The following ATL1 variants were observed in gnomAD, a reference collection of about 807,000 sequenced individuals.
The protein encoded by ATL1 is atlastin GTPase 1.
A neutral mutation model predicts 75.5 loss-of-function variants in ATL1; 31 were observed. The ratio of observed to expected loss-of-function variants is 0.41; its 90% CI spans 0.31 to 0.55. The LOEUF (loss-of-function observed/expected upper bound fraction) is 0.55. ATL1 is among the 20% of genes least tolerant of loss of function. ATL1 has a pLI of 0.27. For synonymous variants in ATL1, 226 were observed against 233.3 expected, an observed-to-expected ratio of 0.97 and a Z score of 0.28; for missense variants, 405 against 662.6, an observed-to-expected ratio of 0.61 and a Z score of 4.27.
rs767905077 is a variant in ATL1 at position 50,620,704 on chromosome 14, G to A, written c.968G>A (p.Arg323Gln). The change falls in exon 9 of 14, where the codon CGG becomes CAG. Residue 323 changes from arginine to glutamine, a missense_variant. Coordinates refer to ENST00000358385, the MANE Select transcript of ATL1 (RefSeq NM_015915.5). ...KEINGNKITC[R>Q]GLVEYFKAYI... The stretch of plus-strand genomic sequence containing the variant: ...ATCAATGGGAATAAAATCACCTGCC[G>A]GGGTCTGGTGGAGTACTTCAAGGTA... 14 of 1,613,404 alleles carry A rather than the reference G, an allele frequency of 8.7e-6. No homozygotes were observed. Among genetic ancestry groups the A allele is most frequent in the African/African-American group, 1.3e-5 (1 of 74,872 alleles).
intron 1 of ATL1, among the ~76,000 whole-genome samples, chr14:50,535,627 A>G (rs1289048372): frequency 6.6e-6 from 1 of 152,198 alleles, no homozygotes; most frequent in Non-Finnish European, 1.5e-5. Context: ...GGCATAAACC[A>G]TGTTTTCCAA....
At chr14:50,545,434 A>T (rs1159887634) in intron 1 of ATL1, among the ~76,000 whole-genome samples, 30 of 152,218 alleles carry the variant, frequency 2.0e-4, no homozygotes, top group Admixed American at 2.0e-3. Context: ...CTGCAGTGGG[A>T]ATCCCAGGGT....
chr14:50,568,104 A>G (rs116098415), intron 1 of ATL1, among the ~76,000 whole-genome samples: 1,767 of 152,246 alleles, frequency 0.012, 31 homozygotes, highest in African/African-American at 0.041. Flanking sequence ...GAAGTCTCCA[A>G]CTGTTAGTAT....
intron 6 of ATL1, among the ~76,000 whole-genome samples, chr14:50,597,624 A>G (rs1322458321): frequency 1.3e-5 from 2 of 152,188 alleles, no homozygotes; most frequent in Non-Finnish European, 2.9e-5. Flanking sequence ...ATATATATAT[A>G]TGTTACATGC....
At chr14:50,563,642 T>G (rs563123533) in intron 1 of ATL1, among the ~76,000 whole-genome samples, 1 of 152,294 alleles carries the variant, frequency 6.6e-6, no homozygotes, top group East Asian at 1.9e-4. Flanking sequence ...TGTTTTTATC[T>G]TAGTAGCTAG....
At chr14:50,597,224 A>AAAAAAAAACAAAC (rs1566726111) in intron 6 of ATL1, among the ~76,000 whole-genome samples, 22 of 150,028 alleles carry the variant, frequency 1.5e-4, no homozygotes, top group African/African-American at 4.2e-4. Flanking sequence ...AACAAACAAA[A>AAAAAAAAACAAAC]AAAAAAAAAG....
At chr14:50,600,270 AAG>A (rs1208632856) in intron 6 of ATL1, among the ~76,000 whole-genome samples, 2 of 151,910 alleles carry the variant, frequency 1.3e-5, no homozygotes, top group Admixed American at 6.5e-5. Context: ...AAAAAAAAAA[AAG>A]AGTTGAAAAC....
chr14:50,561,451 T>A (rs991541621), intron 1 of ATL1, among the ~76,000 whole-genome samples: 1 of 152,246 alleles, frequency 6.6e-6, no homozygotes, highest in Non-Finnish European at 1.5e-5. Context: ...TTGTTATTAT[T>A]TGAAAAGTTC....
At chr14:50,587,767 G>GTACATA in intron 1 of ATL1, 64 bp from the exon 2 acceptor site, 2 of 1,607,062 alleles carry the variant, frequency 1.2e-6, no homozygotes, top group Non-Finnish European at 1.7e-6. Context: ...GAGTTAAGAG[G>GTACATA]TACATATACA....
At chr14:50,617,222 TA>T (rs1488970700) in intron 8 of ATL1, among the ~76,000 whole-genome samples, 1 of 152,206 alleles carries the variant, frequency 6.6e-6, no homozygotes, top group African/African-American at 2.4e-5. Flanking sequence ...TAACTACTGT[TA>T]ATTTAAGAAC....
chr14:50,581,686 T>C (rs1469770224), intron 1 of ATL1, among the ~76,000 whole-genome samples: 1 of 152,202 alleles, frequency 6.6e-6, no homozygotes, highest in East Asian at 1.9e-4. Flanking sequence ...TAACATATTC[T>C]TTCTTACTGT....
chr14:50,541,971 C>T (rs1400603560), intron 1 of ATL1, among the ~76,000 whole-genome samples: 1 of 128,200 alleles, frequency 7.8e-6, no homozygotes, highest in South Asian at 2.5e-4. Flanking sequence ...CGCGCCACTG[C>T]ACTCCAGCCT....
rs1269882435 is a variant in ATL1, at chr14:50,574,949, A to ACAT, written c.35-12882_35-12881insCAT. ...TGTGTGTGTGTGTGTATATATATAT[A>ACAT]TATATATATATATATATATATATAT... On this transcript the variant is annotated intron_variant, in intron 1 of 13. Transcript: ENST00000358385. Among the ~76,000 whole-genome samples the ACAT allele has an allele frequency of 5.3e-3, 676 of 128,162 alleles. 13 individuals are homozygous for ACAT. Among genetic ancestry groups the ACAT allele is most frequent in the Non-Finnish European group, 8.6e-3 (525 of 61,012 alleles). The allele number at this position is 128,162 out of a possible 152,430, so 84.1% of individuals were successfully genotyped here.
At position 50,591,079 on chromosome 14, in the gene ATL1, T is replaced by A. The variant is rs1298355066; in HGVS notation, c.417+4T>A. ...CAATAAACCTGATGGTAAAAAGGTA[T>A]GATGCTAACTTCCTAAATAAAATTG... is the stretch of plus-strand genomic sequence containing the variant. On this transcript the variant is annotated splice_donor_region_variant and intron_variant, in intron 3 of 13. Coordinates refer to ENST00000358385, the MANE Select transcript of ATL1 (RefSeq NM_015915.5). 4 of 1,612,608 alleles carry A rather than the reference T, an allele frequency of 2.5e-6. No individual in the cohort carries two copies. The highest frequency in any genetic ancestry group is 3.4e-6 in the Non-Finnish European group (4 of 1,179,304).
intron 6 of ATL1, among the ~76,000 whole-genome samples, chr14:50,596,267 G>C (rs539856676): frequency 3.9e-5 from 6 of 152,020 alleles, no homozygotes; most frequent in African/African-American, 1.4e-4. Flanking sequence ...CCAAGAGTTT[G>C]AGTCCAGCCT....
Position 50,583,104 on chromosome 14 carries a change from A to G in ATL1, c.35-4727A>G, listed in dbSNP as rs571503263. 1.2e-4 allele frequency among the ~76,000 whole-genome samples: 18 copies of G among 152,286 alleles called. No individual in the cohort carries two copies. In the South Asian group the frequency reaches 2.3e-3, roughly 19 times the overall value. The stretch of plus-strand genomic sequence containing the variant: ...ACCAAACCAAGCCCAACAAAACTGT[A>G]ACAAAAGTAACCCCAATAGGCAAAT... On this transcript the variant is annotated intron_variant, in intron 1 of 13. Coordinates refer to ENST00000358385, the MANE Select transcript of ATL1 (RefSeq NM_015915.5).
At chr14:50,575,994 T>C (rs916034890) in intron 1 of ATL1, among the ~76,000 whole-genome samples, 2 of 152,162 alleles carry the variant, frequency 1.3e-5, no homozygotes. Flanking sequence ...TGAAATGATA[T>C]ACAGACTATC....
At chr14:50,573,784 CTTCTG>C (rs1046321927) in intron 1 of ATL1, among the ~76,000 whole-genome samples, 7 of 152,028 alleles carry the variant, frequency 4.6e-5, no homozygotes, top group African/African-American at 1.4e-4. Flanking sequence ...TCAGTTTCCC[CTTCTG>C]TTCTGTTATT....
chr14:50,571,787 CAA>C (rs1227426187), intron 1 of ATL1: 2 of 159,188 alleles, frequency 1.3e-5, no homozygotes, highest in Non-Finnish European at 2.8e-5. Flanking sequence ...TTGACTATTA[CAA>C]AAGTTTATTT....
Sources: allele counts gnomAD v4.1 joint callset (sites outside exome capture counted in the v4.1 genomes callset), GRCh38; gene constraint gnomAD v4.1.1; transcripts MANE v1.5; gene names NCBI Gene and HGNC (gene_info 2026-07-23, HGNC 2026-07-21).